Variants in MTPN observed in about 807,000 individuals in gnomAD.
The protein encoded by MTPN is myotrophin.
Under a neutral mutation model 13.5 loss-of-function variants are expected in MTPN, and 2 were observed. The observed-to-expected ratio is 0.15, with a 90% CI of 0.06 to 0.47. The LOEUF is 0.47. MTPN is among the 20% of genes least tolerant of loss of function. The probability of loss-of-function intolerance (pLI) is 0.97; values close to 1 mark genes in which losing one functional copy is unlikely to be tolerated. For synonymous variants in MTPN, 46 were observed against 51.7 expected (o/e 0.89, Z 0.48); for missense variants, 79 against 137.9 (o/e 0.57, Z 2.14).
chr7:135,958,976 A>G (rs926876607), intron 1 of MTPN, among the ~76,000 whole-genome samples: 1 of 152,196 alleles, frequency 6.6e-6, no homozygotes. Context: ...AAGTGTTATA[A>G]ACCACTCCAT....
intron 3 of MTPN, 152 bp from the exon 4 acceptor site, chr7:135,930,164 T>C (rs999264845): frequency 3.4e-6 from 2 of 592,896 alleles, no homozygotes; most frequent in African/African-American, 3.7e-5. Context: ...AACAAACAAG[T>C]TGGCAACATT....
At chr7:135,931,021 C>T (rs1799012770) in intron 3 of MTPN, among the ~76,000 whole-genome samples, 2 of 152,196 alleles carry the variant, frequency 1.3e-5, no homozygotes, top group African/African-American at 4.8e-5. Context: ...CCAGTCTCTT[C>T]TCCAGTTAAC....
In MTPN at chr7:135,928,965, A is replaced by T. The variant is rs1323967753; in HGVS notation, c.*961T>A. The T allele has an allele frequency of 1.2e-5, 2 of 167,092 alleles. No individual in the cohort carries two copies. The highest frequency in any genetic ancestry group is 4.8e-5 in the African/African-American group (2 of 41,470). The allele number at this position is 167,092 out of a possible 1,614,324, so 10.4% of individuals were successfully genotyped here. A position where few individuals can be genotyped will look rare whatever the true frequency, so the allele number is the denominator to read the frequency against. On this transcript the variant is annotated 3_prime_UTR_variant, in exon 4 of 4. Transcript: ENST00000393085. ...AATCAGCCTCCAAGATGGGTCTGAG[A>T]GAGGCATTTCAAAGAATGTTCCTTA...
At chr7:135,936,781 A>G (rs1799121795) in intron 3 of MTPN, among the ~76,000 whole-genome samples, 1 of 152,196 alleles carries the variant, frequency 6.6e-6, no homozygotes, top group Non-Finnish European at 1.5e-5. Context: ...GAGGAGAAAA[A>G]GGTTGCTATG....
intron 1 of MTPN, among the ~76,000 whole-genome samples, chr7:135,952,087 T>C (rs1415071089): frequency 6.6e-6 from 1 of 152,224 alleles, no homozygotes; most frequent in Non-Finnish European, 1.5e-5. Context: ...ATTTATTTCA[T>C]TTAACATTCA....
intron 1 of MTPN, among the ~76,000 whole-genome samples, chr7:135,970,852 G>C (rs186279455): frequency 6.6e-6 from 1 of 152,164 alleles, no homozygotes; most frequent in East Asian, 1.9e-4. Flanking sequence ...TCTTATACAA[G>C]CTGACATATG....
chr7:135,943,611 G>T (rs996837861), intron 3 of MTPN, among the ~76,000 whole-genome samples: 5 of 152,158 alleles, frequency 3.3e-5, no homozygotes, highest in African/African-American at 1.2e-4. Context: ...AAATAAGAAT[G>T]CAGTTGAGTA....
At chr7:135,955,532 T>C (rs1799429475) in intron 1 of MTPN, among the ~76,000 whole-genome samples, 1 of 152,216 alleles carries the variant, frequency 6.6e-6, no homozygotes, top group African/African-American at 2.4e-5. Flanking sequence ...CTACCCACTC[T>C]TCCCGAAAAT....
intron 3 of MTPN, among the ~76,000 whole-genome samples, chr7:135,942,371 G>A (rs928462949): frequency 9.2e-5 from 14 of 152,188 alleles, no homozygotes; most frequent in African/African-American, 2.9e-4. Context: ...GAGAACTCAT[G>A]ATGTGCTCGG....
chr7:135,973,317 A>G (rs1444399465), intron 1 of MTPN, among the ~76,000 whole-genome samples: 1 of 149,850 alleles, frequency 6.7e-6, no homozygotes. Flanking sequence ...CAACTGATCT[A>G]AAGTAGTAAG....
At chr7:135,958,744 T>TAACA (rs1414508224) in intron 1 of MTPN, among the ~76,000 whole-genome samples, 1 of 152,220 alleles carries the variant, frequency 6.6e-6, no homozygotes. Context: ...GATTTGCTGT[T>TAACA]ATCCTGAATT....
Position 135,927,756 on chromosome 7 carries a change from C to T in MTPN, c.*2170G>A, listed in dbSNP as rs889646195. The T allele has an allele frequency of 2.6e-5, 12 of 470,412 alleles. No individual in the cohort carries two copies. Among genetic ancestry groups the T allele is most frequent in the South Asian group, 9.7e-5 (6 of 62,146 alleles). The allele number at this position is 470,412 out of a possible 1,614,324, so 29.1% of individuals were successfully genotyped here. On this transcript the variant is annotated 3_prime_UTR_variant, in exon 4 of 4. Coordinates refer to ENST00000393085, the MANE Select transcript of MTPN (RefSeq NM_145808.4). ...ATAATTATAGGGTTTACAAAAAGGT[C>T]GAGAAAGAAAAGCGAAGGCGAAATA...
intron 3 of MTPN, among the ~76,000 whole-genome samples, chr7:135,935,023 G>C (rs1584805512): frequency 6.6e-6 from 1 of 152,072 alleles, no homozygotes; most frequent in Admixed American, 6.6e-5. Flanking sequence ...CTCCCAAAAT[G>C]AATCTGTAAT....
intron 3 of MTPN, among the ~76,000 whole-genome samples, chr7:135,941,022 C>T (rs1244119908): frequency 6.6e-6 from 1 of 152,168 alleles, no homozygotes; most frequent in Admixed American, 6.5e-5. Flanking sequence ...AGATGAGAAG[C>T]TTTAATGGAG....
At chr7:135,961,814 C>T (rs1469953612) in intron 1 of MTPN, among the ~76,000 whole-genome samples, 4 of 152,038 alleles carry the variant, frequency 2.6e-5, no homozygotes, top group South Asian at 2.1e-4. Flanking sequence ...TAGGCACATA[C>T]ATCTAAAAAG....
intron 1 of MTPN, among the ~76,000 whole-genome samples, chr7:135,972,231 G>GCGCGCGCACACACA (rs779296906): frequency 5.6e-5 from 7 of 124,700 alleles, no homozygotes; most frequent in Non-Finnish European, 8.7e-5. Flanking sequence ...GCACGCGCGC[G>GCGCGCGCACACACA]CACACACACA....
At chr7:135,939,577 G>GGGGC (rs1554392550) in intron 3 of MTPN, among the ~76,000 whole-genome samples, 10 of 14,604 alleles carry the variant, frequency 6.8e-4, no homozygotes, top group African/African-American at 1.9e-3. Flanking sequence ...AAATGGGGGC[G>GGGGC]GGGGGGGGGG....
intron 1 of MTPN, among the ~76,000 whole-genome samples, chr7:135,974,812 G>C (rs976472968): frequency 3.3e-5 from 5 of 152,186 alleles, no homozygotes; most frequent in Non-Finnish European, 7.3e-5. Flanking sequence ...TAAATAAGCA[G>C]GGAAGACAGC....
At chr7:135,964,844 C>A (rs1041953195) in intron 1 of MTPN, among the ~76,000 whole-genome samples, 1 of 152,104 alleles carries the variant, frequency 6.6e-6, no homozygotes, top group South Asian at 2.1e-4. Context: ...TTTTATATCT[C>A]AAAAACTTGA....
Sources: allele counts gnomAD v4.1 joint callset (sites outside exome capture counted in the v4.1 genomes callset), GRCh38; gene constraint gnomAD v4.1.1; transcripts MANE v1.5; gene names NCBI Gene and HGNC (gene_info 2026-07-23, HGNC 2026-07-21).